JAZF1: variants seen among roughly 807,000 people sequenced by gnomAD.
The protein encoded by JAZF1 is juxtaposed with another zinc finger protein 1.
A neutral mutation model predicts 26.4 loss-of-function variants in JAZF1; 8 were observed. The ratio of observed to expected loss-of-function variants is 0.30; its 90% CI spans 0.18 to 0.55. The LOEUF is 0.55. JAZF1 is among the 20% of genes least tolerant of loss of function. The pLI is 0.94. For synonymous variants in JAZF1, 126 were observed against 122.3 expected, an observed-to-expected ratio of 1.03 and a Z score of -0.20; for missense variants, 199 against 322.0, an observed-to-expected ratio of 0.62 and a Z score of 2.92.
At position 27,979,067 on chromosome 7, in the gene JAZF1, G is replaced by T. The variant is rs191008817; in HGVS notation, c.188+12842C>A. Among the ~76,000 whole-genome samples, 13 of 152,196 alleles carry T rather than the reference G, an allele frequency of 8.5e-5. No homozygotes were observed. The East Asian group carries it at 2.5e-3, about 29-fold the overall frequency. On this transcript the variant is annotated intron_variant, in intron 2 of 4. Transcript: ENST00000283928. ...GGTTAAATAAAAATAATTTTTAGAG[G>T]TCGAGCCTACCATTACTGCACCAAG... is the stretch of plus-strand genomic sequence containing the variant.
intron 3 of JAZF1, among the ~76,000 whole-genome samples, chr7:27,878,340 A>G (rs1470200530): frequency 1.3e-5 from 2 of 151,718 alleles, no homozygotes; most frequent in East Asian, 3.9e-4. Flanking sequence ...TCCATTGAAA[A>G]ATATATTTTA....
At chr7:28,045,685 GCCTA>G (rs1783484622) in intron 1 of JAZF1, among the ~76,000 whole-genome samples, 1 of 152,040 alleles carries the variant, frequency 6.6e-6, no homozygotes, top group African/African-American at 2.4e-5. Context: ...CAAGCGATCT[GCCTA>G]CCTCAGACTC....
intron 1 of JAZF1, among the ~76,000 whole-genome samples, chr7:28,110,502 GGAAAAGGAAAGGA>G (rs1784632248): frequency 2.7e-5 from 2 of 73,584 alleles, no homozygotes; most frequent in East Asian, 1.1e-3. Flanking sequence ...GGAAAGGAAA[GGAAAAGGAAAGGA>G]AAAGGAAAAG....
intron 1 of JAZF1, among the ~76,000 whole-genome samples, chr7:28,056,462 ACACACACACACAC>A (rs1783711108): frequency 2.7e-5 from 4 of 148,864 alleles, no homozygotes; most frequent in South Asian, 2.1e-4. Context: ...ACACACACAC[ACACACACACACAC>A]AATAAGAAAG....
chr7:27,943,096 A>C (rs1677676496), intron 2 of JAZF1, among the ~76,000 whole-genome samples: 1 of 152,198 alleles, frequency 6.6e-6, no homozygotes, highest in African/African-American at 2.4e-5. Context: ...CAACCTGACA[A>C]GAACCCGGAA....
In JAZF1 at chr7:27,859,686, A is replaced by G. The variant is rs995761872; in HGVS notation, c.386-18819T>C. Among the ~76,000 whole-genome samples the G allele has an allele frequency of 2.0e-5, 3 of 147,648 alleles. No homozygotes were observed. In the East Asian group the frequency reaches 6.1e-4, roughly 30 times the overall value. On this transcript the variant is annotated intron_variant, in intron 3 of 4. Transcript: ENST00000283928. ...TTGAACAATGAGAACACATGGACAC[A>G]GGGAGGGGAACATCACACACCGGGG...
intron 1 of JAZF1, among the ~76,000 whole-genome samples, chr7:28,090,913 G>A (rs1301378105): frequency 1.4e-5 from 2 of 138,686 alleles, no homozygotes; most frequent in Non-Finnish European, 3.0e-5. Flanking sequence ...TGCAAGCTCC[G>A]CTTCCCGGGT....
intron 1 of JAZF1, among the ~76,000 whole-genome samples, chr7:28,015,088 C>T (rs1311018144): frequency 6.6e-6 from 1 of 150,872 alleles, no homozygotes; most frequent in Non-Finnish European, 1.5e-5. Context: ...GCAGTGCAAC[C>T]TACATTTTAA....
intron 2 of JAZF1, among the ~76,000 whole-genome samples, chr7:27,934,799 G>T (rs1435790139): frequency 6.6e-6 from 1 of 152,078 alleles, no homozygotes; most frequent in Non-Finnish European, 1.5e-5. Flanking sequence ...GTTAGGCAAT[G>T]GTTCTTTAGA....
intron 2 of JAZF1, chr7:27,913,411 G>A: frequency 2.2e-6 from 1 of 460,118 alleles, no homozygotes; most frequent in South Asian, 1.6e-5. Context: ...AAGTAGGACA[G>A]CGAGAAGGGA....
intron 1 of JAZF1, among the ~76,000 whole-genome samples, chr7:28,149,719 G>A (rs1783079326): frequency 6.6e-6 from 1 of 152,190 alleles, no homozygotes; most frequent in Non-Finnish European, 1.5e-5. Flanking sequence ...ATCTTTAAAT[G>A]TGAGAGCTGT....
At chr7:28,148,133 C>T (rs1262581074) in intron 1 of JAZF1, among the ~76,000 whole-genome samples, 2 of 151,794 alleles carry the variant, frequency 1.3e-5, no homozygotes, top group African/African-American at 4.8e-5. Context: ...TGCAGTGGCA[C>T]GATCTCAGCT....
In JAZF1 at chr7:27,840,691, C is replaced by CT. The variant is rs1261035769; in HGVS notation, c.555+6dup. On this transcript the variant is annotated splice_region_variant and intron_variant, in intron 4 of 4. Coordinates refer to ENST00000283928, the MANE Select transcript of JAZF1 (RefSeq NM_175061.4). The surrounding 1 kb of genome is among the most constrained non-coding windows in gnomAD (Gnocchi z 5.1). ...TGGTTATGCCAAGCATGCAGCACCT[C>CT]TGTTACCTTGTATCTCTTTTTACAT... 3.1e-6 allele frequency: 5 copies of CT among 1,613,888 alleles called. No homozygotes were observed. The highest frequency in any genetic ancestry group is 1.7e-4 in the Middle Eastern group (1 of 6,056).
intron 1 of JAZF1, among the ~76,000 whole-genome samples, chr7:28,096,649 C>T (rs1156328653): frequency 6.6e-6 from 1 of 152,152 alleles, no homozygotes; most frequent in Non-Finnish European, 1.5e-5. Context: ...CTTCTTACTA[C>T]AAGATGGCCA....
intron 1 of JAZF1, among the ~76,000 whole-genome samples, chr7:28,026,198 A>T (rs950055623): frequency 5.3e-5 from 8 of 152,184 alleles, no homozygotes; most frequent in Non-Finnish European, 1.0e-4. Context: ...GCAACAAGTG[A>T]CTTCTAAAGA....
chr7:27,881,502 T>C (rs1252091956), intron 3 of JAZF1, among the ~76,000 whole-genome samples: 1 of 152,198 alleles, frequency 6.6e-6, no homozygotes, highest in East Asian at 1.9e-4. Flanking sequence ...ATCTAAGTGC[T>C]CTGCCAAAAC....
At chr7:28,086,074 A>G (rs1409231008) in intron 1 of JAZF1, among the ~76,000 whole-genome samples, 1 of 152,264 alleles carries the variant, frequency 6.6e-6, no homozygotes, top group African/African-American at 2.4e-5. Flanking sequence ...AATTGTGATT[A>G]ATTACCAAAA....
intron 1 of JAZF1, among the ~76,000 whole-genome samples, chr7:28,049,392 T>C (rs946989793): frequency 6.6e-6 from 1 of 151,996 alleles, no homozygotes; most frequent in Admixed American, 6.6e-5. Flanking sequence ...CCGGAAACCC[T>C]TTCTTTCTAT....
chr7:27,991,992 A>T lies in JAZF1; in HGVS notation c.116-11T>A. The stretch of plus-strand genomic sequence containing the variant: ...CCCGTGGATCTGTATCTGTAATAAA[A>T]ACACAATTACGATTTTTTTTAGATT... On this transcript the variant is annotated splice_polypyrimidine_tract_variant and intron_variant, in intron 1 of 4. Coordinates refer to ENST00000283928, the MANE Select transcript of JAZF1 (RefSeq NM_175061.4). The T allele has an allele frequency of 6.5e-7, 1 of 1,549,440 alleles. No homozygotes were observed. The highest frequency in any genetic ancestry group is 8.9e-7 in the Non-Finnish European group (1 of 1,121,678).
Sources: allele counts gnomAD v4.1 joint callset (sites outside exome capture counted in the v4.1 genomes callset), GRCh38; gene constraint gnomAD v4.1.1; non-coding constraint Gnocchi (gnomAD v3.1); transcripts MANE v1.5; gene names NCBI Gene and HGNC (gene_info 2026-07-23, HGNC 2026-07-21).